CYP2U1: variants seen among roughly 807,000 people sequenced by gnomAD.
CYP2U1 encodes the protein cytochrome P450 family 2 subfamily U member 1, also known as cytochrome P450 2U1.
CYP2U1 carries 28 observed loss-of-function variants against 42.8 expected under a neutral mutation model. The observed-to-expected ratio is 0.65, with a 90% CI of 0.48 to 0.90. The LOEUF is 0.90. Among genes scored for constraint, CYP2U1 ranks in the 40% least tolerant of loss-of-function variants. The pLI is 0.00. For synonymous variants in CYP2U1, 296 were observed against 278.9 expected (o/e 1.06, Z -0.61); for missense variants, 642 against 693.8 (o/e 0.93, Z 0.84).
intron 1 of CYP2U1, 74 bp downstream of exon 1, chr4:107,932,207 C>G (rs1009557169): frequency 3.3e-5 from 50 of 1,497,988 alleles, no homozygotes; most frequent in Non-Finnish European, 4.3e-5. Flanking sequence ...GGCTGCAGTT[C>G]CTGTGCCCCT....
At chr4:107,949,058 G>T (rs1733815906) in intron 3 of CYP2U1, among the ~76,000 whole-genome samples, 1 of 151,936 alleles carries the variant, frequency 6.6e-6, no homozygotes, top group Non-Finnish European at 1.5e-5. Context: ...ATCCCCTATT[G>T]TTTCTGTTTT....
rs192235231 is a variant in CYP2U1, at chr4:107,936,441, T to G, written c.490+4308T>G. 9.6e-3 allele frequency: 1,466 copies of G among 152,610 alleles called. 10 individuals are homozygous for G. The highest frequency in any genetic ancestry group is 0.013 in the Non-Finnish European group (868 of 68,280). The allele number at this position is 152,610 out of a possible 1,614,324, so 9.5% of individuals were successfully genotyped here. Reference sequence around the variant, plus strand: ...GGGAGTGGGTTTCTGAGAAGAAGGATGAGTTTGGCCCCCTTTCTCTCTCTC... The same window carrying G: ...GGGAGTGGGTTTCTGAGAAGAAGGAGGAGTTTGGCCCCCTTTCTCTCTCTC... On this transcript the variant is annotated intron_variant, in intron 1 of 4. Transcript: ENST00000332884.
chr4:107,933,020 A>G (rs1161945571), intron 1 of CYP2U1, among the ~76,000 whole-genome samples: 1 of 152,192 alleles, frequency 6.6e-6, no homozygotes, highest in Admixed American at 6.5e-5. Flanking sequence ...TGTCTGAAAC[A>G]TAGTAGGAGT....
Position 107,945,382 on chromosome 4 carries a change from C to T in CYP2U1, c.903C>T (p.Ile301=). The change falls in exon 2 of 5, where the codon ATC becomes ATT. Residue 301 remains isoleucine, a synonymous_variant. Coordinates refer to ENST00000332884, the MANE Select transcript of CYP2U1 (RefSeq NM_183075.3). ...EKDITSFLKK[I]IKDHQESLDR... ...ATATAACCAGTTTCCTTAAAAAAAT[C>T]ATCAAAGACCATCAAGAGTCTCTGG... The T allele has an allele frequency of 2.5e-6, 4 of 1,614,012 alleles. No homozygotes were observed. Among genetic ancestry groups the T allele is most frequent in the Non-Finnish European group, 3.4e-6 (4 of 1,179,986 alleles).
intron 4 of CYP2U1, 46 bp downstream of exon 4, chr4:107,949,563 A>G (rs1275707529): frequency 1.5e-6 from 2 of 1,348,718 alleles, no homozygotes; most frequent in African/African-American, 3.0e-5. Flanking sequence ...AAGAAGTAGA[A>G]CTAAAATAAT....
Position 107,945,059 on chromosome 4 carries a change from A to G in CYP2U1, c.580A>G (p.Ser194Gly). The change falls in exon 2 of 5, where the codon AGC becomes GGC. Residue 194 changes from serine to glycine, a missense_variant. Transcript: ENST00000332884. The part of the protein sequence containing the change: ...TLRHFGLGKL[S>G]LEPKIIEEFK... ...TCGTCATTTTGGGTTGGGAAAACTTAGCTTGGAGCCCAAGATTATTGAGGA... is the reference window on the plus strand; with the variant it reads ...TCGTCATTTTGGGTTGGGAAAACTTGGCTTGGAGCCCAAGATTATTGAGGA... 6.2e-7 allele frequency: 1 copy of G among 1,613,748 alleles called. No homozygotes were observed. Among genetic ancestry groups the G allele is most frequent in the Middle Eastern group, 1.6e-4 (1 of 6,062 alleles).
Position 107,950,512 on chromosome 4 carries a change from A to T in CYP2U1, c.*89A>T, listed in dbSNP as rs1733873787. ...TCCTACTGCAAAGGACAGTGAATCC[A>T]GCAACTCAGTGGATCCAAGCTGGGC... On this transcript the variant is annotated 3_prime_UTR_variant, in exon 5 of 5. Coordinates refer to ENST00000332884, the MANE Select transcript of CYP2U1 (RefSeq NM_183075.3). The T allele has an allele frequency of 7.3e-7, 1 of 1,366,614 alleles. No homozygotes were observed. Among genetic ancestry groups the T allele is most frequent in the East Asian group, 2.5e-5 (1 of 39,914 alleles). 84.7% of individuals were successfully genotyped at this position (1,366,614 alleles called of 1,614,324 possible). A position where few individuals can be genotyped will look rare whatever the true frequency, so the allele number is the denominator to read the frequency against.
chr4:107,950,222 T>G (rs1733861198), intron 4 of CYP2U1, 23 bp from the exon 5 acceptor site: 1 of 1,577,204 alleles, frequency 6.3e-7, no homozygotes, highest in African/African-American at 1.4e-5. Context: ...TAATCCTTCA[T>G]TTTTTTCTGA....
Position 107,952,466 on chromosome 4 carries a change from GA to G in CYP2U1, c.*2047del, listed in dbSNP as rs1161993497. 6.6e-6 allele frequency: 1 copy of G among 152,250 alleles called. No homozygotes were observed. The highest frequency in any genetic ancestry group is 1.5e-5 in the Non-Finnish European group (1 of 68,048). The allele number at this position is 152,250 out of a possible 1,614,324, so 9.4% of individuals were successfully genotyped here. ...TTCATACTGATAGAGAAGAGGGCAA[GA>G]AAAGATCCAGAGTGGCTGTTACTTT... On this transcript the variant is annotated 3_prime_UTR_variant, in exon 5 of 5. Transcript: ENST00000332884.
intron 1 of CYP2U1, among the ~76,000 whole-genome samples, chr4:107,943,661 T>C (rs190166687): frequency 2.0e-5 from 3 of 152,358 alleles, no homozygotes; most frequent in Admixed American, 2.0e-4. Flanking sequence ...CTGGTATGTT[T>C]GACTGCATGG....
At chr4:107,942,367 AG>A (rs1164492562) in intron 1 of CYP2U1, among the ~76,000 whole-genome samples, 2 of 152,218 alleles carry the variant, frequency 1.3e-5, no homozygotes, top group Non-Finnish European at 2.9e-5. Context: ...AATAAAATAA[AG>A]GAAAAAGAAA....
Position 107,950,459 on chromosome 4 carries a change from T to C in CYP2U1, c.*36T>C. On this transcript the variant is annotated 3_prime_UTR_variant, in exon 5 of 5. Transcript: ENST00000332884. ...CAAGAAGAGATGGTAAAAAGATATATAAATACATATCCTTCTAAGCAGATT... is the reference window on the plus strand; with the variant it reads ...CAAGAAGAGATGGTAAAAAGATATACAAATACATATCCTTCTAAGCAGATT... The C allele has an allele frequency of 6.4e-7, 1 of 1,567,408 alleles. No individual in the cohort carries two copies. The highest frequency in any genetic ancestry group is 8.6e-7 in the Non-Finnish European group (1 of 1,159,896).
Position 107,949,441 on chromosome 4 carries a change from G to T in CYP2U1, c.1380G>T (p.Glu460Asp). The T allele has an allele frequency of 1.2e-6, 2 of 1,611,230 alleles. No individual in the cohort carries two copies. Among genetic ancestry groups the T allele is most frequent in the South Asian group, 2.2e-5 (2 of 90,616 alleles). Residue 460 changes from glutamate (E) to aspartate (D), a missense_variant, in exon 4 of 5, where the codon GAG becomes GAT. Coordinates refer to ENST00000332884, the MANE Select transcript of CYP2U1 (RefSeq NM_183075.3). ...ACCCAGCCATTTGGGAGAAACCGGA[G>T]GATTTCTACCCTAATCGATTTCTGG... ...HRDPAIWEKP[E>D]DFYPNRFLDD...
In CYP2U1 at chr4:107,948,087, G is replaced by A. The variant is rs1465367263; in HGVS notation, c.1288+550G>A. Among the ~76,000 whole-genome samples, 9 of 152,170 alleles carry A rather than the reference G, an allele frequency of 5.9e-5. No homozygotes were observed. The East Asian group carries it at 1.7e-3, about 29-fold the overall frequency. Reference sequence around the variant, plus strand: ...GTTCGAGACCAGCCTGGACAAGATGGTGAAACCCCATCCCTACTAAAAATA... The same window carrying A: ...GTTCGAGACCAGCCTGGACAAGATGATGAAACCCCATCCCTACTAAAAATA... On this transcript the variant is annotated intron_variant, in intron 3 of 4. Transcript: ENST00000332884.
intron 4 of CYP2U1, among the ~76,000 whole-genome samples, chr4:107,949,796 G>A (rs1041384504): frequency 1.3e-5 from 2 of 152,116 alleles, no homozygotes; most frequent in East Asian, 3.8e-4. Flanking sequence ...TTCTGATCTG[G>A]TCTGGTGGGT....
Position 107,951,970 on chromosome 4 carries a change from C to A in CYP2U1, c.*1547C>A, listed in dbSNP as rs907356903. The A allele has an allele frequency of 2.0e-5, 3 of 152,218 alleles. No individual in the cohort carries two copies. The highest frequency in any genetic ancestry group is 7.2e-5 in the African/African-American group (3 of 41,442). The allele number at this position is 152,218 out of a possible 1,614,324, so 9.4% of individuals were successfully genotyped here. A position where few individuals can be genotyped will look rare whatever the true frequency, so the allele number is the denominator to read the frequency against. On this transcript the variant is annotated 3_prime_UTR_variant, in exon 5 of 5. Coordinates refer to ENST00000332884, the MANE Select transcript of CYP2U1 (RefSeq NM_183075.3). Reference sequence around the variant, plus strand: ...TGACTAAAGAACACTTTCAGAACCACTTCTTGATTCTGCCACCACTTGATC... The same window carrying A: ...TGACTAAAGAACACTTTCAGAACCAATTCTTGATTCTGCCACCACTTGATC...
intron 1 of CYP2U1, among the ~76,000 whole-genome samples, chr4:107,937,179 C>T (rs1223103728): frequency 6.6e-6 from 1 of 151,990 alleles, no homozygotes; most frequent in Admixed American, 6.6e-5. Flanking sequence ...ATAGATCAGT[C>T]TGATATATAC....
At chr4:107,949,980 T>G (rs543257366) in intron 4 of CYP2U1, among the ~76,000 whole-genome samples, 2 of 152,160 alleles carry the variant, frequency 1.3e-5, no homozygotes, top group African/African-American at 4.8e-5. Context: ...AGAGACAGGA[T>G]AGCTGCCACA....
intron 1 of CYP2U1, 31 bp from the exon 2 acceptor site, chr4:107,944,939 C>T (rs1408429772): frequency 1.3e-6 from 2 of 1,566,592 alleles, no homozygotes; most frequent in Non-Finnish European, 8.6e-7. Context: ...AATACTGTTT[C>T]TCATCTTCCT....
Sources: allele counts gnomAD v4.1 joint callset (sites outside exome capture counted in the v4.1 genomes callset), GRCh38; gene constraint gnomAD v4.1.1; transcripts MANE v1.5; gene names NCBI Gene and HGNC (gene_info 2026-07-23, HGNC 2026-07-21).